Variants in BOC observed in about 807,000 individuals in gnomAD.
BOC encodes brother of CDO.
Under a neutral mutation model 112.0 loss-of-function variants are expected in BOC, and 76 were observed. That is an observed-to-expected ratio of 0.68 (90% CI 0.56 to 0.82). BOC has a LOEUF of 0.82. Ranked by LOEUF, BOC falls within the 40% of genes least tolerant of loss-of-function variation. The pLI is 0.00. For missense variants in BOC, 1,309 were observed against 1,511.7 expected (o/e 0.87, Z 2.22); for synonymous variants, 580 against 599.8 (o/e 0.97, Z 0.48).
intron 2 of BOC, among the ~76,000 whole-genome samples, chr3:113,219,608 AG>A (rs1315373184): frequency 6.6e-6 from 1 of 152,254 alleles, no homozygotes; most frequent in Non-Finnish European, 1.5e-5. Context: ...CGCAAAGCAG[AG>A]CTCTTCTAGC....
intron 9 of BOC, among the ~76,000 whole-genome samples, chr3:113,277,285 A>ATCTT (rs1360613994): frequency 5.9e-5 from 9 of 152,222 alleles, no homozygotes; most frequent in African/African-American, 2.2e-4. Flanking sequence ...CTCTCATTTA[A>ATCTT]TCTTCAGAAT....
At position 113,260,721 on chromosome 3, in the gene BOC, A is replaced by AC. The variant is rs1553737946; in HGVS notation, c.377-7578_377-7577insC. ...ACAGAACAGAACAGAACAGAACAGAAAGAACAGAACAGAACAGAACAGAAC... is the reference window on the plus strand; with the variant it reads ...ACAGAACAGAACAGAACAGAACAGAACAGAACAGAACAGAACAGAACAGAAC... On this transcript the variant is annotated intron_variant, in intron 4 of 19. Transcript: ENST00000682979. 6.9e-3 allele frequency among the ~76,000 whole-genome samples: 633 copies of AC among 92,124 alleles called. 8 individuals are homozygous for AC. Among genetic ancestry groups the AC allele is most frequent in the Middle Eastern group, 0.024 (5 of 206 alleles). The allele number at this position is 92,124 out of a possible 152,430, so 60.4% of individuals were successfully genotyped here.
intron 4 of BOC, among the ~76,000 whole-genome samples, chr3:113,252,588 G>C (rs920546914): frequency 2.0e-5 from 3 of 152,180 alleles, no homozygotes; most frequent in African/African-American, 7.2e-5. Context: ...CCAGATCCCT[G>C]GAGGAGCTTC....
intron 9 of BOC, among the ~76,000 whole-genome samples, chr3:113,276,338 CTTCTAT>C (rs1004172088): frequency 1.3e-5 from 2 of 152,150 alleles, no homozygotes; most frequent in African/African-American, 4.8e-5. Flanking sequence ...ACTAATTACC[CTTCTAT>C]TTCTTATTTT....
At chr3:113,259,179 A>G (rs1946545362) in intron 4 of BOC, among the ~76,000 whole-genome samples, 1 of 152,160 alleles carries the variant, frequency 6.6e-6, no homozygotes, top group Admixed American at 6.5e-5. Context: ...AGAGGTCACT[A>G]TTTACCAAAC....
At chr3:113,233,976 C>T (rs1051389526) in intron 2 of BOC, among the ~76,000 whole-genome samples, 1 of 152,184 alleles carries the variant, frequency 6.6e-6, no homozygotes, top group Non-Finnish European at 1.5e-5. Context: ...GCCGGAGTCC[C>T]ACCTGGGATT....
rs748603375 is a variant in BOC at position 113,250,721 on chromosome 3, C to T, written c.264C>T (p.His88=). 10 of 1,614,016 alleles carry T rather than the reference C, an allele frequency of 6.2e-6. No individual in the cohort carries two copies. The East Asian group carries it at 1.1e-4, about 18-fold the overall frequency. Residue 88 remains histidine (H), a synonymous_variant, in exon 4 of 20, where the codon CAC becomes CAT. Transcript: ENST00000682979. ...SDDALGVLIT[H]GTLVITALNN... is the part of the protein sequence containing the mutation. Reference sequence around the variant, plus strand: ...ATGCTCTGGGTGTCCTCATCACCCACGGGACCCTCGTCATCACTGCCCTTA... The same window carrying T: ...ATGCTCTGGGTGTCCTCATCACCCATGGGACCCTCGTCATCACTGCCCTTA...
chr3:113,279,521 G>A, intron 12 of BOC, 66 bp downstream of exon 12: 1 of 1,488,772 alleles, frequency 6.7e-7, no homozygotes, highest in Non-Finnish European at 9.2e-7. Context: ...CCTGGAGGAG[G>A]ATGACGAGCC....
intron 2 of BOC, among the ~76,000 whole-genome samples, chr3:113,240,807 T>G (rs1297752398): frequency 2.0e-5 from 3 of 152,186 alleles, no homozygotes; most frequent in African/African-American, 7.2e-5. Flanking sequence ...CCTTCCTTTT[T>G]GAGCACTGGC....
intron 4 of BOC, among the ~76,000 whole-genome samples, chr3:113,253,085 A>C (rs1945830952): frequency 6.6e-6 from 1 of 152,178 alleles, no homozygotes; most frequent in Non-Finnish European, 1.5e-5. Flanking sequence ...AATCTCTCAT[A>C]AGCCTGCTAT....
chr3:113,243,739 A>G (rs1438761108), intron 2 of BOC, among the ~76,000 whole-genome samples: 2 of 152,180 alleles, frequency 1.3e-5, no homozygotes, highest in Admixed American at 6.5e-5. Flanking sequence ...CCTTGCTTGT[A>G]CATACCTCAA....
chr3:113,282,698 GA>G (rs1366496165), intron 15 of BOC, among the ~76,000 whole-genome samples: 1 of 152,048 alleles, frequency 6.6e-6, no homozygotes, highest in East Asian at 1.9e-4. Context: ...GTACAGACGG[GA>G]GGAACCAGGA....
intron 4 of BOC, among the ~76,000 whole-genome samples, chr3:113,256,755 ATG>A (rs142653702): frequency 6.0e-5 from 9 of 151,196 alleles, no homozygotes; most frequent in African/African-American, 1.5e-4. Context: ...TAATACATAT[ATG>A]TGTGTGTGTG....
chr3:113,264,529 T>C (rs1947247975), intron 4 of BOC, among the ~76,000 whole-genome samples: 1 of 152,156 alleles, frequency 6.6e-6, no homozygotes, highest in African/African-American at 2.4e-5. Context: ...GGAAACCAGC[T>C]TTGCAGACAA....
Position 113,230,226 on chromosome 3 carries a change from T to C in BOC, c.-82+13952T>C, listed in dbSNP as rs564698870. Among the ~76,000 whole-genome samples, 6 of 152,278 alleles carry C rather than the reference T, an allele frequency of 3.9e-5. No individual in the cohort carries two copies. The South Asian group carries it at 1.2e-3, about 32-fold the overall frequency. On this transcript the variant is annotated intron_variant, in intron 2 of 19. Coordinates refer to ENST00000682979, the MANE Select transcript of BOC (RefSeq NM_001378074.1). ...GGGCTGTATTTCAATACTCAGACAC[T>C]CAGGACCGACTGTAGGTGTGGAGAA...
chr3:113,219,226 C>T (rs1313344485), intron 2 of BOC, among the ~76,000 whole-genome samples: 1 of 152,168 alleles, frequency 6.6e-6, no homozygotes, highest in Non-Finnish European at 1.5e-5. Context: ...AGGCTTTCAC[C>T]CCATCGCTTA....
intron 2 of BOC, among the ~76,000 whole-genome samples, chr3:113,232,562 AGTGTGTGTGTGTGT>A (rs10696107): frequency 0.014 from 2,028 of 149,438 alleles, 22 homozygotes; most frequent in East Asian, 0.053. Context: ...TTGCTGTGCG[AGTGTGTGTGTGTGT>A]GTGTGTGTGT....
chr3:113,250,734 A>G lies in BOC; in HGVS notation c.277A>G (p.Ile93Val), dbSNP rs757537359. 25 of 1,614,170 alleles carry G rather than the reference A, an allele frequency of 1.5e-5. No homozygotes were observed. Among genetic ancestry groups the G allele is most frequent in the Non-Finnish European group, 2.1e-5 (25 of 1,180,034 alleles). ...CCTCATCACCCACGGGACCCTCGTC[A>G]TCACTGCCCTTAACAACCACACTGT... The part of the protein sequence containing the change: ...GVLITHGTLV[I>V]TALNNHTVGR... The change falls in exon 4 of 20, where the codon ATC (isoleucine) becomes GTC (valine). Residue 93 changes from isoleucine (I) to valine (V), a missense_variant. Transcript: ENST00000682979.
At chr3:113,252,370 A>G (rs148043968) in intron 4 of BOC, among the ~76,000 whole-genome samples, 740 of 152,226 alleles carry the variant, frequency 4.9e-3, no homozygotes, top group Middle Eastern at 0.017. Context: ...CATCATCATC[A>G]TCATCACCCT....
Sources: gnomAD v4.1 joint callset for allele counts (sites outside exome capture counted in the v4.1 genomes callset) on GRCh38, gnomAD v4.1.1 for gene constraint, MANE v1.5 for transcripts, NCBI Gene and HGNC (gene_info 2026-07-23, HGNC 2026-07-21) for gene names.